The following IGSF22 variants were observed in gnomAD, a reference collection of about 807,000 sequenced individuals.
The protein encoded by IGSF22 is immunoglobulin superfamily member 22, also known as immunoglobulin superfamily, member 22.
A neutral mutation model predicts 127.0 loss-of-function variants in IGSF22; 119 were observed. That is an observed-to-expected ratio of 0.94 (90% CI 0.81 to 1.09). IGSF22 has a LOEUF of 1.09. Ranked by LOEUF, IGSF22 falls within the 50% of genes least tolerant of loss-of-function variation. The pLI is 0.00. For synonymous variants in IGSF22, 568 were observed against 664.7 expected, an observed-to-expected ratio of 0.85 and a Z score of 2.24; for missense variants, 1,518 against 1,716.6, an observed-to-expected ratio of 0.88 and a Z score of 2.04.
At position 18,721,937 on chromosome 11, in the gene IGSF22, TCTC is replaced by T; in HGVS notation, c.211_213del (p.Glu71del). ...TCGGGCGCGGTGACCGGTTGAGGCT[TCTC>T]CACGAACTCAGGGACGCTGTCGCCC... On this transcript the variant is annotated inframe_deletion, in exon 3 of 23. Coordinates refer to ENST00000513874, the MANE Select transcript of IGSF22 (RefSeq NM_173588.4). 3 of 1,613,620 alleles carry T rather than the reference TCTC, an allele frequency of 1.9e-6. No individual in the cohort carries two copies. Among genetic ancestry groups the T allele is most frequent in the Non-Finnish European group, 2.5e-6 (3 of 1,180,002 alleles).
rs775469914 is a variant in IGSF22, at chr11:18,721,684, C to G, written c.242-13G>C. The G allele has an allele frequency of 6.2e-7, 1 of 1,613,954 alleles. No homozygotes were observed. The highest frequency in any genetic ancestry group is 2.2e-5 in the East Asian group (1 of 44,870). ...ACGGCTTTGTCCCCTGCGATGAGCA[C>G]AGGACGCGTTTTCGCCTCTTAGCCA... On this transcript the variant is annotated splice_polypyrimidine_tract_variant and intron_variant, in intron 3 of 22. Coordinates refer to ENST00000513874, the MANE Select transcript of IGSF22 (RefSeq NM_173588.4).
Position 18,719,757 on chromosome 11 carries a change from G to A in IGSF22, c.655C>T (p.Leu219Phe). The A allele has an allele frequency of 6.2e-7, 1 of 1,614,148 alleles. No homozygotes were observed. The highest frequency in any genetic ancestry group is 8.5e-7 in the Non-Finnish European group (1 of 1,180,038). ...EYGFTDFRGL[L>F]RKLKEMKKKV... ...TTCTTCATCTCTTTGAGCTTCCTGAGCAGCCCCCGAAAGTCGGTGAAACCA... is the reference window on the plus strand; with the variant it reads ...TTCTTCATCTCTTTGAGCTTCCTGAACAGCCCCCGAAAGTCGGTGAAACCA... The change falls in exon 7 of 23, where the codon CTC becomes TTC. Residue 219 changes from leucine to phenylalanine, a missense_variant. Physicochemically the swap from Leu to Phe is conservative, Grantham distance 22. This residue lies in a region of IGSF22 where 1,456 missense variants were observed against 1,644.9 expected (regional missense o/e 0.89). Transcript: ENST00000513874.
chr11:18,718,313 G>A (rs117797536), intron 8 of IGSF22, among the ~76,000 whole-genome samples: 2 of 152,184 alleles, frequency 1.3e-5, no homozygotes, highest in African/African-American at 4.8e-5. Context: ...TAATATGCAT[G>A]AGTTCATTAG....
At position 18,715,669 on chromosome 11, in the gene IGSF22, C is replaced by G; in HGVS notation, c.1294G>C (p.Glu432Gln). 1 of 1,613,688 alleles carries G rather than the reference C, an allele frequency of 6.2e-7. No individual in the cohort carries two copies. Among genetic ancestry groups the G allele is most frequent in the Non-Finnish European group, 8.5e-7 (1 of 1,179,926 alleles). The change falls in exon 11 of 23, where the codon GAG becomes CAG. Residue 432 changes from glutamate to glutamine, a missense_variant. This residue lies in a region of IGSF22 where 1,456 missense variants were observed against 1,644.9 expected (regional missense o/e 0.89). Coordinates refer to ENST00000513874, the MANE Select transcript of IGSF22 (RefSeq NM_173588.4). ...CACTCCAGGCATGCGCGACTCCTCT[C>G]TTTCACACGTACATTTTTGAGGTTG... is the stretch of plus-strand genomic sequence containing the variant. ...VSNLKNVRVK[E>Q]RSRACLECEL...
chr11:18,712,382 G>C lies in IGSF22; in HGVS notation c.2098C>G (p.Arg700Gly). 2 of 1,549,516 alleles carry C rather than the reference G, an allele frequency of 1.3e-6. No homozygotes were observed. The highest frequency in any genetic ancestry group is 2.4e-5 in the South Asian group (2 of 83,818). Residue 700 changes from arginine to glycine, a missense_variant and splice_region_variant, in exon 15 of 23, where the codon CGT becomes GGT. Around this residue, in one of 3 missense-constraint regions of IGSF22, gnomAD observed 1,456 missense variants for 1,644.9 expected, o/e 0.89. Transcript: ENST00000513874. ...ACCCGGCCCTGTGGAGGCTTTGGAC[G>C]GTCTGGGGACAGAGAACAGCTTCAG... ...TATLHLSVLD[R>G]PKPPQGRVEF...
At chr11:18,711,953 C>T (rs940803734) in intron 15 of IGSF22, 129 bp downstream of exon 15, 6 of 767,124 alleles carry the variant, frequency 7.8e-6, no homozygotes, top group Admixed American at 5.8e-5. Flanking sequence ...ACTCTGGAAT[C>T]GGTCTGTCTC....
At chr11:18,718,192 G>A (rs1030925788) in intron 8 of IGSF22, 99 bp from the exon 9 acceptor site, 1 of 1,091,716 alleles carries the variant, frequency 9.2e-7, no homozygotes, top group Non-Finnish European at 1.3e-6. Flanking sequence ...GAGGGTGCAT[G>A]TCCAACCCTC....
At chr11:18,725,594 T>C (rs573914813) in intron 1 of IGSF22, among the ~76,000 whole-genome samples, 3 of 152,002 alleles carry the variant, frequency 2.0e-5, no homozygotes, top group Non-Finnish European at 4.4e-5. Flanking sequence ...GCACCCGCCA[T>C]CACACCCGGC....
At chr11:18,712,951 C>T (rs897786369) in intron 14 of IGSF22, among the ~76,000 whole-genome samples, 3 of 152,102 alleles carry the variant, frequency 2.0e-5, no homozygotes, top group Non-Finnish European at 4.4e-5. Flanking sequence ...TTCAGGCCAG[C>T]TCCTCTTCTC....
In IGSF22 at chr11:18,710,724, C is replaced by T. The variant is rs1398042623; in HGVS notation, c.2503G>A (p.Gly835Ser). Residue 835 changes from glycine to serine, a missense_variant, in exon 16 of 23, where the codon GGC becomes AGC. Physicochemically the swap from Gly to Ser is moderately conservative, Grantham distance 56. This residue lies in a region of IGSF22 where 1,456 missense variants were observed against 1,644.9 expected (regional missense o/e 0.89). Transcript: ENST00000513874. Reference protein sequence around the residue: ...PTQDGGAPVLGYIVERRKKGS... With the variant: ...PTQDGGAPVLSYIVERRKKGS... The stretch of plus-strand genomic sequence containing the variant: ...TTCTTCCTTCGTTCTACAATGTAGC[C>T]GAGCACTGGGGCTCCCCCATCCTGG... 5 of 1,614,162 alleles carry T rather than the reference C, an allele frequency of 3.1e-6. 1 individual carries two copies. The highest frequency in any genetic ancestry group is 2.2e-5 in the South Asian group (2 of 91,078).
At chr11:18,711,584 G>C (rs1318990712) in intron 15 of IGSF22, among the ~76,000 whole-genome samples, 1 of 152,098 alleles carries the variant, frequency 6.6e-6, no homozygotes, top group Non-Finnish European at 1.5e-5. Flanking sequence ...TTTTAGTAGA[G>C]ATAGGGTTTC....
chr11:18,708,214 G>C lies in IGSF22; in HGVS notation c.3080C>G (p.Ala1027Gly), dbSNP rs1325349902. 2.6e-6 allele frequency: 4 copies of C among 1,543,586 alleles called. No homozygotes were observed. The highest frequency in any genetic ancestry group is 2.4e-5 in the East Asian group (1 of 40,972). The change falls in exon 19 of 23, where the codon GCC (alanine) becomes GGC (glycine). Residue 1027 changes from alanine to glycine, a missense_variant. Physicochemically the swap from Ala to Gly is moderately conservative, Grantham distance 60. Transcript: ENST00000513874. ...RAGTALCIHA[A>G]FSGSPPPDVI... ...GGGTCAGGGACAACTCACAGAGAAG[G>C]CTGCATGGATGCAGAGGGCTGTCCC...
intron 10 of IGSF22, among the ~76,000 whole-genome samples, chr11:18,715,939 T>G (rs560239233): frequency 6.6e-6 from 1 of 152,358 alleles, no homozygotes; most frequent in African/African-American, 2.4e-5. Flanking sequence ...CATTTACCTC[T>G]CTGAGTCTCA....
At chr11:18,708,380 A>G in intron 18 of IGSF22, 85 bp from the exon 19 acceptor site, 2 of 1,044,990 alleles carry the variant, frequency 1.9e-6, no homozygotes, top group Admixed American at 2.8e-5. Flanking sequence ...AGCCTTCCCA[A>G]CCTCTCCTCC....
chr11:18,705,585 C>A (rs532537477), intron 22 of IGSF22: 13 of 567,290 alleles, frequency 2.3e-5, no homozygotes, highest in African/African-American at 1.3e-4. Flanking sequence ...AGTTGCAAAC[C>A]ACATCTTATC....
intron 4 of IGSF22, among the ~76,000 whole-genome samples, chr11:18,721,019 G>T (rs1313749928): frequency 6.6e-6 from 1 of 152,200 alleles, no homozygotes; most frequent in Non-Finnish European, 1.5e-5. Flanking sequence ...TGGAGCCAGG[G>T]GTTACAGCTG....
chr11:18,720,143 C>G (rs760935901), intron 5 of IGSF22, 40 bp from the exon 6 acceptor site: 2 of 1,613,950 alleles, frequency 1.2e-6, no homozygotes, highest in South Asian at 2.2e-5. Flanking sequence ...CAGGGGGAGT[C>G]TGGTCCCTAA....
chr11:18,707,388 C>T, intron 20 of IGSF22, 175 bp from the exon 21 acceptor site: 1 of 596,118 alleles, frequency 1.7e-6, no homozygotes, highest in East Asian at 2.9e-5. Flanking sequence ...AGCCTCGTGA[C>T]CTGGGGTAAG....
At chr11:18,715,030 GTGGGATACATACATACAT>G (rs768767176) in intron 11 of IGSF22, among the ~76,000 whole-genome samples, 115,318 of 151,164 alleles carry the variant, frequency 0.76, 44,186 homozygotes, top group East Asian at 0.82. Flanking sequence ...TACATAGACT[GTGGGATACATACATACAT>G]GTCATTGGGG....
Sources: gnomAD v4.1 joint callset for allele counts (sites outside exome capture counted in the v4.1 genomes callset) on GRCh38, gnomAD v4.1.1 for gene constraint, gnomAD v4.1.1 regional missense constraint, MANE v1.5 for transcripts, NCBI Gene and HGNC (gene_info 2026-07-23, HGNC 2026-07-21) for gene names.